Variants in PCLO observed in about 807,000 individuals in gnomAD.
PCLO encodes the protein piccolo presynaptic cytomatrix protein.
Under a neutral mutation model 427.5 loss-of-function variants are expected in PCLO, and 82 were observed. The observed-to-expected ratio is 0.19, with a 90% confidence interval of 0.16 to 0.23. The LOEUF is 0.23. Ranked by LOEUF, PCLO falls within the 10% of genes least tolerant of loss-of-function variation. The pLI is 1.00. For synonymous variants in PCLO, 2,357 were observed against 2,155.4 expected, an observed-to-expected ratio of 1.09 and a Z score of -2.59; for missense variants, 6,239 against 6,115.9, an observed-to-expected ratio of 1.02 and a Z score of -0.67.
chr7:82,905,943 A>T (rs1794178556), intron 8 of PCLO, among the ~76,000 whole-genome samples: 1 of 151,884 alleles, frequency 6.6e-6, no homozygotes, highest in Non-Finnish European at 1.5e-5. Flanking sequence ...ATAAGAGATT[A>T]GGTTATCTGT....
Position 83,035,615 on chromosome 7 carries a change from T to A in PCLO, c.3301-69128A>T, listed in dbSNP as rs552450005. On this transcript the variant is annotated intron_variant, in intron 3 of 24. Coordinates refer to ENST00000333891, the MANE Select transcript of PCLO (RefSeq NM_033026.6). Reference sequence around the variant, plus strand: ...AATCTCTGTACTCTAAGACCTTTTTTTAAAATCCAGTCTTGATCTTACTAG... The same window carrying A: ...AATCTCTGTACTCTAAGACCTTTTTATAAAATCCAGTCTTGATCTTACTAG... Among the ~76,000 whole-genome samples the A allele has an allele frequency of 1.1e-4, 16 of 152,264 alleles. 1 individual carries two copies. The South Asian group carries it at 3.1e-3, about 30-fold the overall frequency.
In PCLO at chr7:82,758,393, T is replaced by C; in HGVS notation, c.*182A>G. 2.0e-6 allele frequency: 1 copy of C among 487,818 alleles called. No homozygotes were observed. The highest frequency in any genetic ancestry group is 3.6e-6 in the Non-Finnish European group (1 of 277,082). The allele number at this position is 487,818 out of a possible 1,614,324, so 30.2% of individuals were successfully genotyped here. On this transcript the variant is annotated 3_prime_UTR_variant, in exon 25 of 25. Coordinates refer to ENST00000333891, the MANE Select transcript of PCLO (RefSeq NM_033026.6). ...TCTTGTTTTCAGTATGTGAACTTTT[T>C]CAGTTGAATATCTTTGTGTGATCCA...
At chr7:82,782,309 T>C (rs1790889936) in intron 22 of PCLO, among the ~76,000 whole-genome samples, 1 of 152,200 alleles carries the variant, frequency 6.6e-6, no homozygotes, top group Non-Finnish European at 1.5e-5. Flanking sequence ...GTGTGAGAAT[T>C]GTGGAAAAAC....
intron 3 of PCLO, among the ~76,000 whole-genome samples, chr7:83,043,683 C>A (rs902655998): frequency 2.6e-5 from 4 of 152,104 alleles, no homozygotes; most frequent in Non-Finnish European, 4.4e-5. Flanking sequence ...CACCAGACTT[C>A]CTGCATTTAC....
intron 3 of PCLO, among the ~76,000 whole-genome samples, chr7:83,132,424 TC>T (rs1791597826): frequency 6.6e-6 from 1 of 152,154 alleles, no homozygotes; most frequent in African/African-American, 2.4e-5. Flanking sequence ...TCCACACATG[TC>T]CTTTGTAATT....
chr7:82,899,862 T>C (rs1793998212), intron 9 of PCLO, among the ~76,000 whole-genome samples: 1 of 151,488 alleles, frequency 6.6e-6, no homozygotes, highest in African/African-American at 2.4e-5. Context: ...CGTAAAATAA[T>C]ACAGCTAGAA....
chr7:82,936,746 AG>A (rs1794961828), intron 6 of PCLO, among the ~76,000 whole-genome samples: 1 of 151,732 alleles, frequency 6.6e-6, no homozygotes, highest in Admixed American at 6.6e-5. Context: ...TATTCCCAAT[AG>A]CCATATATTC....
intron 3 of PCLO, among the ~76,000 whole-genome samples, chr7:83,098,639 A>C (rs900318013): frequency 8.4e-6 from 1 of 119,620 alleles, no homozygotes; most frequent in Non-Finnish European, 1.7e-5. Flanking sequence ...TTCTTATCAT[A>C]TGTTCATTAA....
At chr7:82,807,687 T>C (rs536220763) in intron 20 of PCLO, among the ~76,000 whole-genome samples, 2 of 152,154 alleles carry the variant, frequency 1.3e-5, no homozygotes, top group East Asian at 3.9e-4. Context: ...GGTAGTAGGA[T>C]CCCTTCCCGA....
intron 3 of PCLO, among the ~76,000 whole-genome samples, chr7:83,033,630 C>T (rs1009912453): frequency 1.2e-4 from 19 of 152,130 alleles, no homozygotes; most frequent in African/African-American, 4.1e-4. Flanking sequence ...ATCTTTCTTC[C>T]TTTCAGCACA....
At chr7:83,031,735 C>T (rs1015674908) in intron 3 of PCLO, among the ~76,000 whole-genome samples, 2 of 136,364 alleles carry the variant, frequency 1.5e-5, no homozygotes, top group African/African-American at 5.3e-5. Flanking sequence ...TCTCTCTCTC[C>T]CTCCCCCTCC....
At chr7:83,088,227 C>G (rs759057002) in intron 3 of PCLO, among the ~76,000 whole-genome samples, 1 of 151,998 alleles carries the variant, frequency 6.6e-6, no homozygotes, top group Non-Finnish European at 1.5e-5. Context: ...AAGTACATCC[C>G]AACAAAAGCA....
chr7:83,048,927 C>G (rs1789167722), intron 3 of PCLO, among the ~76,000 whole-genome samples: 1 of 152,112 alleles, frequency 6.6e-6, no homozygotes, highest in Non-Finnish European at 1.5e-5. Flanking sequence ...TCATGTATTT[C>G]TTATCTTATA....
intron 10 of PCLO, among the ~76,000 whole-genome samples, chr7:82,872,700 G>A (rs537260131): frequency 2.0e-5 from 3 of 152,158 alleles, no homozygotes; most frequent in South Asian, 2.1e-4. Flanking sequence ...TGTCTAAAGC[G>A]GTAAAAATAA....
At chr7:82,819,229 G>C (rs1791739952) in intron 20 of PCLO, among the ~76,000 whole-genome samples, 1 of 151,944 alleles carries the variant, frequency 6.6e-6, no homozygotes, top group South Asian at 2.1e-4. Context: ...GTGTTATCTA[G>C]TTTTCCTTTC....
intron 20 of PCLO, among the ~76,000 whole-genome samples, chr7:82,816,299 C>A (rs1242628639): frequency 6.6e-6 from 1 of 152,028 alleles, no homozygotes; most frequent in Non-Finnish European, 1.5e-5. Context: ...CAATTAGTGT[C>A]TTTGGCATTC....
rs533700654 is a variant in PCLO, at chr7:83,162,607, C to A, written c.-15G>T. 47 of 1,521,822 alleles carry A rather than the reference C, an allele frequency of 3.1e-5. No individual in the cohort carries two copies. Among genetic ancestry groups the A allele is most frequent in the Non-Finnish European group, 3.9e-5 (44 of 1,136,672 alleles). 94.3% of individuals were successfully genotyped at this position (1,521,822 alleles called of 1,614,324 possible). A position where few individuals can be genotyped will look rare whatever the true frequency, so the allele number is the denominator to read the frequency against. ...TCGTTGCCCATGGCTCAGGGAGACT[C>A]GGGGCCGCCGCGCTCCCTCCTCGCG... On this transcript the variant is annotated 5_prime_UTR_variant, in exon 1 of 25. Coordinates refer to ENST00000333891, the MANE Select transcript of PCLO (RefSeq NM_033026.6).
At chr7:82,977,915 T>C (rs1583864135) in intron 3 of PCLO, among the ~76,000 whole-genome samples, 1 of 152,302 alleles carries the variant, frequency 6.6e-6, no homozygotes, top group East Asian at 1.9e-4. Context: ...GGCTTATTTT[T>C]GGCCTGTGTG....
intron 2 of PCLO, among the ~76,000 whole-genome samples, chr7:83,146,886 G>T (rs2116656904): frequency 6.6e-6 from 1 of 152,074 alleles, no homozygotes; most frequent in East Asian, 1.9e-4. Flanking sequence ...ACAAGCATGA[G>T]CCACCGCACC....
Sources: allele counts gnomAD v4.1 joint callset (sites outside exome capture counted in the v4.1 genomes callset), GRCh38; gene constraint gnomAD v4.1.1; transcripts MANE v1.5; gene names NCBI Gene and HGNC (gene_info 2026-07-23, HGNC 2026-07-21).